Variants in MYO6 observed in about 807,000 individuals in gnomAD.
MYO6 encodes the protein myosin VI, also known as unconventional myosin-VI.
In MYO6, 74 loss-of-function variants were observed where a neutral mutation model predicts 178.7. That is an observed-to-expected ratio of 0.41 (90% CI 0.34 to 0.50). The LOEUF (loss-of-function observed/expected upper bound fraction) is 0.50, where lower values mean the gene tolerates loss of function less well. Ranked by LOEUF, MYO6 falls within the 20% of genes least tolerant of loss-of-function variation. The pLI is 0.09. For missense variants in MYO6, 1,330 were observed against 1,547.4 expected (o/e 0.86, Z 2.36); for synonymous variants, 477 against 504.6 (o/e 0.95, Z 0.73).
At position 75,911,699 on chromosome 6, in the gene MYO6, G is replaced by GT; in HGVS notation, c.3439+2dup. 1 of 1,611,284 alleles carries GT rather than the reference G, an allele frequency of 6.2e-7. No individual in the cohort carries two copies. The highest frequency in any genetic ancestry group is 8.5e-7 in the Non-Finnish European group (1 of 1,177,770). ...TTTGCACCATTTTTGAACAATTCAC[G>GT]TAAGTCAATGGGTGGTAACTCATGA... is the stretch of plus-strand genomic sequence containing the variant. On this transcript the variant is annotated splice_donor_variant, in intron 33 of 34. Transcript: ENST00000369977. LOFTEE classifies it high-confidence loss of function.
At chr6:75,914,008 G>C (rs1053320520) in intron 33 of MYO6, 55 bp from the exon 34 acceptor site, 2 of 1,525,720 alleles carry the variant, frequency 1.3e-6, no homozygotes, top group Non-Finnish European at 1.8e-6. Context: ...AGGATTAAAG[G>C]CTCTTTTCTT....
At chr6:75,869,580 A>T (rs1348527608) in intron 18 of MYO6, among the ~76,000 whole-genome samples, 1 of 152,212 alleles carries the variant, frequency 6.6e-6, no homozygotes, top group East Asian at 1.9e-4. Flanking sequence ...AATTAACATT[A>T]GTCTTTTGTA....
At chr6:75,892,446 T>C in intron 27 of MYO6, 84 bp from the exon 28 acceptor site, 1 of 1,570,808 alleles carries the variant, frequency 6.4e-7, no homozygotes, top group Non-Finnish European at 8.8e-7. Context: ...GCAGTTATGC[T>C]TTCCCTTTAT....
intron 1 of MYO6, among the ~76,000 whole-genome samples, chr6:75,774,876 T>A (rs1355471998): frequency 1.3e-5 from 2 of 151,892 alleles, no homozygotes; most frequent in Non-Finnish European, 1.5e-5. Context: ...CACTGCAACC[T>A]CTTGTCTCCC....
rs1435234323 is a variant in MYO6, at chr6:75,894,940, A to T, written c.3108-291A>T. 11 of 815,166 alleles carry T rather than the reference A, an allele frequency of 1.3e-5. No homozygotes were observed. The South Asian group carries it at 2.5e-4, about 18-fold the overall frequency. 50.5% of individuals were successfully genotyped at this position (815,166 alleles called of 1,614,324 possible). On this transcript the variant is annotated intron_variant, in intron 28 of 34. Transcript: ENST00000369977. ...CAAAGAGATGGTTTCAAATTACCTAAAATTGTAAAATAATATCCAGATTCT... is the reference window on the plus strand; with the variant it reads ...CAAAGAGATGGTTTCAAATTACCTATAATTGTAAAATAATATCCAGATTCT...
intron 1 of MYO6, among the ~76,000 whole-genome samples, chr6:75,813,085 T>TA: frequency 6.6e-6 from 1 of 152,362 alleles, no homozygotes; most frequent in Non-Finnish European, 1.5e-5. Context: ...TCTGTGTACT[T>TA]ACTATTACCA....
chr6:75,809,829 G>A lies in MYO6; in HGVS notation c.-47-7672G>A, dbSNP rs570813323. ...TGTAATCCCAGCACTTTGGGAGGCCGAGCCAGGTGGATCACTTGAGGTCAG... is the reference window on the plus strand; with the variant it reads ...TGTAATCCCAGCACTTTGGGAGGCCAAGCCAGGTGGATCACTTGAGGTCAG... On this transcript the variant is annotated intron_variant, in intron 1 of 34. Transcript: ENST00000369977. Among the ~76,000 whole-genome samples the A allele has an allele frequency of 4.0e-5, 6 of 150,650 alleles. No homozygotes were observed. The East Asian group carries it at 9.8e-4, about 25-fold the overall frequency.
chr6:75,903,172 T>G (rs1414833607), intron 30 of MYO6, among the ~76,000 whole-genome samples: 1 of 152,018 alleles, frequency 6.6e-6, no homozygotes, highest in East Asian at 1.9e-4. Flanking sequence ...GGAATAGGTG[T>G]GGTGTGGTGC....
At chr6:75,767,330 A>G (rs1048202568) in intron 1 of MYO6, among the ~76,000 whole-genome samples, 2 of 151,932 alleles carry the variant, frequency 1.3e-5, no homozygotes, top group East Asian at 1.9e-4. Flanking sequence ...CTGGCCCTCA[A>G]TTTATTCTTG....
At chr6:75,908,284 T>C (rs974895232) in intron 31 of MYO6, among the ~76,000 whole-genome samples, 6 of 152,194 alleles carry the variant, frequency 3.9e-5, no homozygotes, top group African/African-American at 1.4e-4. Flanking sequence ...GCAGATGATA[T>C]AAGATAGTAA....
chr6:75,753,762 G>A (rs1275063866), intron 1 of MYO6, among the ~76,000 whole-genome samples: 2 of 151,884 alleles, frequency 1.3e-5, no homozygotes, highest in African/African-American at 2.4e-5. Flanking sequence ...GTGCCTTGCC[G>A]GCATTATATA....
In MYO6 at chr6:75,796,783, A is replaced by G. The variant is rs556454355; in HGVS notation, c.-47-20718A>G. On this transcript the variant is annotated intron_variant, in intron 1 of 34. Transcript: ENST00000369977. ...ACACCTGGCATTGGCTCCCATCTTTATGTCCATGTGTACTCAGTGTTTAGT... is the reference window on the plus strand; with the variant it reads ...ACACCTGGCATTGGCTCCCATCTTTGTGTCCATGTGTACTCAGTGTTTAGT... Among the ~76,000 whole-genome samples, 119 of 151,954 alleles carry G rather than the reference A, an allele frequency of 7.8e-4. 1 individual carries two copies. Among genetic ancestry groups the G allele is most frequent in the Admixed American group, 1.8e-3 (27 of 15,260 alleles).
rs138672703 is a variant in MYO6, at chr6:75,881,828, T to C, written c.2416+10T>C. On this transcript the variant is annotated intron_variant, in intron 23 of 34. Transcript: ENST00000369977. ...CTCTCAGTCATCAAATGTAGGTGTT[T>C]TCCTTTACACCTATAGGATCTTTCA... The C allele has an allele frequency of 3.1e-6, 5 of 1,613,024 alleles. No homozygotes were observed. In the Admixed American group the frequency reaches 5.0e-5, roughly 16 times the overall value.
chr6:75,850,228 G>A (rs1197344483), intron 11 of MYO6, among the ~76,000 whole-genome samples: 1 of 152,008 alleles, frequency 6.6e-6, no homozygotes, highest in Non-Finnish European at 1.5e-5. Flanking sequence ...CCTCTCACTA[G>A]CAATAGTGTG....
rs143885914 is a variant in MYO6, at chr6:75,911,286, A to G, written c.3413-386A>G. 1.8e-3 allele frequency among the ~76,000 whole-genome samples: 269 copies of G among 152,150 alleles called. 1 individual carries two copies. The highest frequency in any genetic ancestry group is 3.1e-3 in the Non-Finnish European group (209 of 67,892). On this transcript the variant is annotated intron_variant, in intron 32 of 34. Transcript: ENST00000369977. ...AGTAACGTTTTTACTCCTGTAATGT[A>G]TATAATTTTTTGATGAATTCTCATT... is the stretch of plus-strand genomic sequence containing the variant.
At chr6:75,790,488 T>A (rs1214267310) in intron 1 of MYO6, among the ~76,000 whole-genome samples, 2 of 152,028 alleles carry the variant, frequency 1.3e-5, no homozygotes, top group Non-Finnish European at 2.9e-5. Context: ...TTCAAGCAAT[T>A]CTCTTGCCTC....
chr6:75,887,817 C>CAA (rs1295810562), intron 25 of MYO6, among the ~76,000 whole-genome samples: 29 of 130,526 alleles, frequency 2.2e-4, no homozygotes, highest in African/African-American at 8.2e-4. Context: ...ACTAAAAATA[C>CAA]AAAAAAAAAA....
intron 1 of MYO6, among the ~76,000 whole-genome samples, chr6:75,759,183 C>T (rs991549337): frequency 2.0e-5 from 3 of 152,076 alleles, no homozygotes; most frequent in African/African-American, 2.4e-5. Flanking sequence ...TCTATAGATC[C>T]GGTCATTTCT....
Position 75,854,275 on chromosome 6 carries a change from C to CTTTTTTTTTTT in MYO6, c.1079-842_1079-832dup, listed in dbSNP as rs61398235. On this transcript the variant is annotated intron_variant, in intron 11 of 34. Transcript: ENST00000369977. ...CATGGGTCAAGACCTAACTGCATTGCTTTTTTTTTTTTTTTTTTTTTTTTT... is the reference window on the plus strand; with the variant it reads ...CATGGGTCAAGACCTAACTGCATTGCTTTTTTTTTTTTTTTTTTTTTTTTTTTTTTTTTTTT... Among the ~76,000 whole-genome samples, 16 of 45,502 alleles carry CTTTTTTTTTTT rather than the reference C, an allele frequency of 3.5e-4. 1 individual carries two copies. The highest frequency in any genetic ancestry group is 1.2e-3 in the African/African-American group (11 of 9,102). The allele number at this position is 45,502 out of a possible 152,430, so 29.9% of individuals were successfully genotyped here.
Sources: allele counts gnomAD v4.1 joint callset (sites outside exome capture counted in the v4.1 genomes callset), GRCh38; gene constraint gnomAD v4.1.1; transcripts MANE v1.5; gene names NCBI Gene and HGNC (gene_info 2026-07-23, HGNC 2026-07-21).